Variants in MISFA observed in about 807,000 individuals in gnomAD.
MISFA encodes the protein mitochondrial sheath formation associated.
the MISFA span, chr11:18,604,000 C>T: frequency 3.4e-6 from 1 of 298,136 alleles, no homozygotes; most frequent in Non-Finnish European, 5.9e-6. Context: ...GATCTCGGCT[C>T]ACTGCAAGCT....
chr11:18,605,839 G>A, the MISFA span, among the ~76,000 whole-genome samples: 10 of 152,100 alleles, frequency 6.6e-5, no homozygotes, highest in South Asian at 2.1e-4. Flanking sequence ...TACAACGCAC[G>A]CCACATTTTT....
the MISFA span, chr11:18,609,757 T>C: frequency 1.1e-6 from 1 of 930,662 alleles, no homozygotes; most frequent in Non-Finnish European, 1.7e-6. Flanking sequence ...TCTCCTTGAG[T>C]ACCCAAGTAT....
At chr11:18,605,958 G>GT in the MISFA span, among the ~76,000 whole-genome samples, 1 of 152,182 alleles carries the variant, frequency 6.6e-6, no homozygotes, top group Non-Finnish European at 1.5e-5. Context: ...GATTACAGGT[G>GT]TGAGCCACTG....
At chr11:18,605,798 C>T in the MISFA span, among the ~76,000 whole-genome samples, 2 of 152,274 alleles carry the variant, frequency 1.3e-5, no homozygotes, top group African/African-American at 2.4e-5. Flanking sequence ...TTAAGTGATT[C>T]TTATACCTCA....
the MISFA span, chr11:18,601,385 T>C: frequency 2.5e-6 from 1 of 398,274 alleles, no homozygotes; most frequent in Non-Finnish European, 4.4e-6. Flanking sequence ...TTTTGAAGAC[T>C]GTTCCCATCT....
At chr11:18,601,156 G>C in the MISFA span, 1 of 398,532 alleles carries the variant, frequency 2.5e-6, no homozygotes, top group African/African-American at 2.1e-5. Context: ...CTGAGGAGGC[G>C]GGCTTTAGGT....
chr11:18,602,388 C>T, the MISFA span: 3 of 152,674 alleles, frequency 2.0e-5, no homozygotes, highest in African/African-American at 7.2e-5. Context: ...TTTTTATCTC[C>T]ATCTGCCCCA....
At chr11:18,605,245 GAA>G in the MISFA span, among the ~76,000 whole-genome samples, 1 of 143,786 alleles carries the variant, frequency 7.0e-6, no homozygotes, top group Non-Finnish European at 1.5e-5. Context: ...GTCTCAAAAA[GAA>G]AAAAAAAAAG....
chr11:18,603,917 C>CCT, the MISFA span: 1 of 52,018 alleles, frequency 1.9e-5, no homozygotes, highest in Non-Finnish European at 3.1e-5. Flanking sequence ...AGTTACCGCA[C>CCT]TTTTTTTTTT....
chr11:18,599,849 G>T, the MISFA span: 1 of 397,866 alleles, frequency 2.5e-6, no homozygotes, highest in South Asian at 1.3e-4. Context: ...AAGGTTTCGT[G>T]AGCGCACTCC....
the MISFA span, chr11:18,599,880 T>C: frequency 5.0e-6 from 2 of 398,718 alleles, no homozygotes; most frequent in Admixed American, 4.4e-5. Flanking sequence ...TCTTGGTGAA[T>C]AGTCTTTCAC....
At chr11:18,603,921 T>A in the MISFA span, 1 of 323,940 alleles carries the variant, frequency 3.1e-6, no homozygotes. Flanking sequence ...ACCGCACTTT[T>A]TTTTTTTTTT....
the MISFA span, chr11:18,601,670 A>G: frequency 2.5e-6 from 1 of 396,068 alleles, no homozygotes; most frequent in South Asian, 1.4e-4. Context: ...TTGGCCTCCC[A>G]GAGTGCTGGG....
At chr11:18,599,936 T>C in the MISFA span, 1 of 399,020 alleles carries the variant, frequency 2.5e-6, no homozygotes, top group Non-Finnish European at 4.4e-6. Flanking sequence ...ATCATGATTG[T>C]GCTTGGCTGG....
the MISFA span, among the ~76,000 whole-genome samples, chr11:18,605,803 A>G: frequency 0.88 from 133,376 of 152,146 alleles, 59,422 homozygotes; most frequent in Non-Finnish European, 0.95. Context: ...TGATTCTTAT[A>G]CCTCAGCCCC....
the MISFA span, chr11:18,600,121 T>C: frequency 1.0e-5 from 4 of 397,764 alleles, no homozygotes. Flanking sequence ...GAAGTCAGAA[T>C]GTGATGGGAA....
the MISFA span, among the ~76,000 whole-genome samples, chr11:18,604,131 T>C: frequency 6.6e-6 from 1 of 151,784 alleles, no homozygotes; most frequent in Non-Finnish European, 1.5e-5. Flanking sequence ...TTTCACCGTG[T>C]TATCCAGGAT....
the MISFA span, chr11:18,601,499 G>A: frequency 2.5e-6 from 1 of 396,010 alleles, no homozygotes; most frequent in Non-Finnish European, 4.4e-6. Context: ...CCAGGCTGGA[G>A]TGAGGTGCAA....
the MISFA span, chr11:18,603,834 C>T: frequency 5.0e-6 from 2 of 398,230 alleles, no homozygotes; most frequent in Middle Eastern, 1.2e-3. Flanking sequence ...GCTCACCTGA[C>T]CAGCTGTACA....
Sources: allele counts gnomAD v4.1 joint callset (sites outside exome capture counted in the v4.1 genomes callset), GRCh38; gene constraint gnomAD v4.1.1; transcripts MANE v1.5; gene names NCBI Gene and HGNC (gene_info 2026-07-23, HGNC 2026-07-21).